DLG2: variants seen among roughly 807,000 people sequenced by gnomAD.
DLG2 encodes the protein discs large MAGUK scaffold protein 2, also known as disks large homolog 2.
In DLG2, 45 loss-of-function variants were observed where a neutral mutation model predicts 132.5. The ratio of observed to expected loss-of-function variants is 0.34; its 90% CI spans 0.27 to 0.44. DLG2 has a LOEUF of 0.44. Among genes scored for constraint, DLG2 ranks in the 20% least tolerant of loss-of-function variants. The pLI is 1.00. For missense variants in DLG2, 1,045 were observed against 1,196.9 expected (o/e 0.87, Z 1.87); for synonymous variants, 424 against 419.6 (o/e 1.01, Z -0.13).
intron 19 of DLG2, among the ~76,000 whole-genome samples, chr11:83,617,244 G>A (rs1389287605): frequency 6.6e-6 from 1 of 152,154 alleles, no homozygotes; most frequent in African/African-American, 2.4e-5. Context: ...ATCAGTTTGG[G>A]AGAAATGAAA....
At chr11:83,872,566 C>A (rs1278258328) in intron 16 of DLG2, among the ~76,000 whole-genome samples, 1 of 152,176 alleles carries the variant, frequency 6.6e-6, no homozygotes, top group Non-Finnish European at 1.5e-5. Context: ...AACACCTTTA[C>A]ATTTTTGGCC....
chr11:84,327,899 A>C (rs1210861506), intron 7 of DLG2, among the ~76,000 whole-genome samples: 4 of 152,230 alleles, frequency 2.6e-5, no homozygotes, highest in Non-Finnish European at 5.9e-5. Context: ...GCTCTTGTCC[A>C]AAGCTTGCAT....
chr11:84,448,697 T>C (rs1016480486), intron 7 of DLG2, among the ~76,000 whole-genome samples: 2 of 152,052 alleles, frequency 1.3e-5, no homozygotes, highest in Non-Finnish European at 2.9e-5. Context: ...ATGTCCCTTA[T>C]TGTACTTTGT....
At chr11:85,230,262 T>A (rs2075224038) in intron 4 of DLG2, among the ~76,000 whole-genome samples, 1 of 151,982 alleles carries the variant, frequency 6.6e-6, no homozygotes, top group Non-Finnish European at 1.5e-5. Flanking sequence ...ATTTTTACAA[T>A]AAACAAAGCA....
At chr11:84,337,171 G>A (rs553330076) in intron 7 of DLG2, among the ~76,000 whole-genome samples, 3 of 152,120 alleles carry the variant, frequency 2.0e-5, no homozygotes, top group Non-Finnish European at 2.9e-5. Flanking sequence ...TATGGGCTAC[G>A]GGTAGATGCA....
intron 21 of DLG2, among the ~76,000 whole-genome samples, chr11:83,531,233 G>A (rs998463969): frequency 1.3e-5 from 2 of 151,866 alleles, no homozygotes; most frequent in Non-Finnish European, 2.9e-5. Flanking sequence ...CCCACAGAGT[G>A]GGACAAAATA....
intron 7 of DLG2, among the ~76,000 whole-genome samples, chr11:84,339,092 G>T (rs925738017): frequency 6.6e-6 from 1 of 152,014 alleles, no homozygotes; most frequent in Admixed American, 6.6e-5. Flanking sequence ...TATTATAAAG[G>T]GTTTTAGCGT....
intron 6 of DLG2, among the ~76,000 whole-genome samples, chr11:84,595,932 C>CA (rs1273459473): frequency 6.6e-6 from 1 of 151,686 alleles, no homozygotes; most frequent in African/African-American, 2.4e-5. Flanking sequence ...ATAGAGAAAC[C>CA]AACAAAACCA....
intron 6 of DLG2, among the ~76,000 whole-genome samples, chr11:85,104,060 C>T (rs989564050): frequency 2.6e-5 from 4 of 151,752 alleles, no homozygotes; most frequent in African/African-American, 9.7e-5. Flanking sequence ...TAGGTAATAA[C>T]GAGTGTTTGT....
chr11:83,657,749 C>T (rs1451326273), intron 18 of DLG2, among the ~76,000 whole-genome samples: 1 of 151,990 alleles, frequency 6.6e-6, no homozygotes, highest in African/African-American at 2.4e-5. Context: ...ACCGCATTAG[C>T]CAGGATGGTC....
At chr11:84,708,517 C>T (rs1281852621) in intron 6 of DLG2, among the ~76,000 whole-genome samples, 1 of 151,680 alleles carries the variant, frequency 6.6e-6, no homozygotes, top group Non-Finnish European at 1.5e-5. Context: ...TTCTGGGTTT[C>T]CTATTTATCT....
chr11:85,106,364 C>T (rs1340840944), intron 6 of DLG2, among the ~76,000 whole-genome samples: 6 of 151,902 alleles, frequency 3.9e-5, no homozygotes, highest in Non-Finnish European at 8.8e-5. Context: ...GTCATCGGTT[C>T]CTGCCAGTCA....
intron 3 of DLG2, among the ~76,000 whole-genome samples, chr11:85,301,391 G>C (rs1460653861): frequency 6.6e-6 from 1 of 152,032 alleles, no homozygotes; most frequent in Non-Finnish European, 1.5e-5. Flanking sequence ...GTTCTATAAA[G>C]GTGGAATGAG....
chr11:85,178,114 T>G (rs1027905477), intron 4 of DLG2, among the ~76,000 whole-genome samples: 3 of 152,042 alleles, frequency 2.0e-5, no homozygotes, highest in Non-Finnish European at 4.4e-5. Context: ...AGACATTTAG[T>G]GGAACATTTA....
At chr11:83,781,367 G>T (rs1017816982) in intron 18 of DLG2, among the ~76,000 whole-genome samples, 1 of 151,966 alleles carries the variant, frequency 6.6e-6, no homozygotes, top group Non-Finnish European at 1.5e-5. Flanking sequence ...GGCATAATAA[G>T]TATCCAGAAA....
intron 8 of DLG2, among the ~76,000 whole-genome samples, chr11:84,195,089 G>A (rs1362400852): frequency 6.6e-6 from 1 of 152,202 alleles, no homozygotes; most frequent in African/African-American, 2.4e-5. Flanking sequence ...GGATGCTGTG[G>A]CCTGAGGTGC....
In DLG2 at chr11:85,515,421, C is replaced by T. The variant is rs548527174; in HGVS notation, c.40+83236G>A. 2.6e-5 allele frequency among the ~76,000 whole-genome samples: 4 copies of T among 152,054 alleles called. No individual in the cohort carries two copies. The East Asian group carries it at 5.8e-4, about 22-fold the overall frequency. ...ACCTGATTGAATCTCTGTTCCACAA[C>T]TTACTAGCTGTGTAAATTTCAGCAA... is the stretch of plus-strand genomic sequence containing the variant. On this transcript the variant is annotated intron_variant, in intron 3 of 27. Coordinates refer to ENST00000376104, the MANE Select transcript of DLG2 (RefSeq NM_001142699.3).
chr11:83,773,969 G>GT (rs1335222014), intron 18 of DLG2, among the ~76,000 whole-genome samples: 29 of 152,120 alleles, frequency 1.9e-4, no homozygotes, highest in Admixed American at 1.8e-3. Context: ...CTTTAAAACT[G>GT]TTTTTTGGTG....
At chr11:83,980,391 A>T in intron 12 of DLG2, 115 bp downstream of exon 12, 1 of 1,188,176 alleles carries the variant, frequency 8.4e-7, no homozygotes, top group African/African-American at 1.6e-5. Flanking sequence ...CTGCCATTTT[A>T]AGCCACCCAC....
Sources: gnomAD v4.1 joint callset for allele counts (sites outside exome capture counted in the v4.1 genomes callset) on GRCh38, gnomAD v4.1.1 for gene constraint, MANE v1.5 for transcripts, NCBI Gene and HGNC (gene_info 2026-07-23, HGNC 2026-07-21) for gene names.